The following RGS7 variants were observed in gnomAD, a reference collection of about 807,000 sequenced individuals.
RGS7 encodes the protein regulator of G-protein signaling 7.
A neutral mutation model predicts 81.1 loss-of-function variants in RGS7; 27 were observed. That is an observed-to-expected ratio of 0.33 (90% CI 0.25 to 0.46). The LOEUF (loss-of-function observed/expected upper bound fraction) is 0.46, where lower values mean the gene tolerates loss of function less well. Among genes scored for constraint, RGS7 ranks in the 20% least tolerant of loss-of-function variants. The pLI is 1.00. For missense variants in RGS7, 396 were observed against 607.4 expected (o/e 0.65, Z 3.66); for synonymous variants, 208 against 207.7 (o/e 1.00, Z -0.01).
intron 6 of RGS7, among the ~76,000 whole-genome samples, chr1:240,917,415 ACAATG>A (rs1194346407): frequency 1.3e-5 from 2 of 152,194 alleles, no homozygotes; most frequent in Non-Finnish European, 2.9e-5. Context: ...GATACCAGCA[ACAATG>A]CAATTGGTGG....
chr1:241,175,706 C>G (rs2071083010), intron 2 of RGS7, among the ~76,000 whole-genome samples: 1 of 152,060 alleles, frequency 6.6e-6, no homozygotes, highest in African/African-American at 2.4e-5. Flanking sequence ...GGGGCTTCAG[C>G]TGTCACTCAG....
chr1:241,092,372 C>G (rs764056966), intron 3 of RGS7, among the ~76,000 whole-genome samples: 9 of 152,076 alleles, frequency 5.9e-5, no homozygotes, highest in Non-Finnish European at 1.2e-4. Flanking sequence ...GTTTTAAGTA[C>G]AAAGGATTTT....
intron 3 of RGS7, among the ~76,000 whole-genome samples, chr1:241,071,667 G>T (rs1339263416): frequency 1.3e-5 from 2 of 150,994 alleles, no homozygotes; most frequent in African/African-American, 2.4e-5. Context: ...TAAGCCTTAG[G>T]TGTTCAGTTA....
intron 2 of RGS7, among the ~76,000 whole-genome samples, chr1:241,327,024 A>AGGGAGGGAGTGAGGGAGGGAGGG (rs1553320517): frequency 2.1e-3 from 1 of 478 alleles, no homozygotes; most frequent in South Asian, 0.083. Context: ...GGAAGGAAGG[A>AGGGAGGGAGTGAGGGAGGGAGGG]AGGAAGGAAG....
intron 9 of RGS7, among the ~76,000 whole-genome samples, chr1:240,865,709 T>A (rs1478173851): frequency 6.6e-6 from 1 of 152,246 alleles, no homozygotes; most frequent in African/African-American, 2.4e-5. Flanking sequence ...AATTCATTTC[T>A]AGGGACAAAT....
intron 6 of RGS7, among the ~76,000 whole-genome samples, chr1:240,899,569 T>A (rs759218576): frequency 2.0e-5 from 3 of 152,214 alleles, no homozygotes; most frequent in Non-Finnish European, 4.4e-5. Context: ...CATATGAAAT[T>A]CTGGGTTGAA....
chr1:241,056,531 A>T lies in RGS7; in HGVS notation c.175+42135T>A, dbSNP rs151274669. On this transcript the variant is annotated intron_variant, in intron 3 of 18. Coordinates refer to ENST00000440928, the MANE Select transcript of RGS7 (RefSeq NM_001364886.1). ...CAAAGAATAATGTTTATCACACAAC[A>T]GGTGCTCAGTAAGTATTTGTTGAAT... Among the ~76,000 whole-genome samples, 989 of 152,340 alleles carry T rather than the reference A, an allele frequency of 6.5e-3. 6 individuals are homozygous for T. Among genetic ancestry groups the T allele is most frequent in the Middle Eastern group, 0.024 (7 of 294 alleles).
intron 17 of RGS7, among the ~76,000 whole-genome samples, chr1:240,801,095 AG>A (rs1344500487): frequency 6.6e-6 from 1 of 152,170 alleles, no homozygotes; most frequent in Non-Finnish European, 1.5e-5. Context: ...AGCCTCAGGA[AG>A]GGCTAAGGGA....
chr1:241,281,112 CTACTT>C (rs1455070039), intron 2 of RGS7, among the ~76,000 whole-genome samples: 1 of 152,104 alleles, frequency 6.6e-6, no homozygotes, highest in Non-Finnish European at 1.5e-5. Flanking sequence ...AGATACTAGT[CTACTT>C]TAACACTTAC....
rs747930112 is a variant in RGS7, at chr1:240,813,734, G to A, written c.846-6C>T. ...GTTCCGTGTAACTTAGTAGACTAAG[G>A]AGAAAAAACATTTCCAGTTTCTTTA... On this transcript the variant is annotated splice_polypyrimidine_tract_variant and splice_region_variant and intron_variant, in intron 12 of 18. Transcript: ENST00000440928. 1 of 1,574,598 alleles carries A rather than the reference G, an allele frequency of 6.4e-7. No homozygotes were observed. Among genetic ancestry groups the A allele is most frequent in the South Asian group, 1.1e-5 (1 of 90,216 alleles).
chr1:241,111,660 T>G (rs2065523416), intron 2 of RGS7, among the ~76,000 whole-genome samples: 1 of 152,078 alleles, frequency 6.6e-6, no homozygotes, highest in Non-Finnish European at 1.5e-5. Context: ...CAATCCAGTC[T>G]ATTGATGGCC....
intron 6 of RGS7, among the ~76,000 whole-genome samples, chr1:240,892,361 C>T (rs1452739718): frequency 6.6e-6 from 1 of 152,028 alleles, no homozygotes; most frequent in Non-Finnish European, 1.5e-5. Flanking sequence ...AGAACAAGGG[C>T]TATTTTTTTG....
intron 2 of RGS7, among the ~76,000 whole-genome samples, chr1:241,113,553 A>T (rs2065678814): frequency 1.3e-5 from 2 of 152,254 alleles, no homozygotes; most frequent in African/African-American, 4.8e-5. Flanking sequence ...CTATATTTTT[A>T]AAACTGCACC....
chr1:241,273,176 C>CCA, intron 2 of RGS7, among the ~76,000 whole-genome samples: 1 of 12,104 alleles, frequency 8.3e-5, no homozygotes, highest in Non-Finnish European at 1.8e-4. Context: ...TAATAATGAA[C>CCA]CCCCCCCCCC....
chr1:241,184,831 C>T (rs1264041109), intron 2 of RGS7, among the ~76,000 whole-genome samples: 1 of 152,048 alleles, frequency 6.6e-6, no homozygotes, highest in Non-Finnish European at 1.5e-5. Context: ...GCAACCTGTA[C>T]AATAGAATTT....
chr1:240,897,045 A>G (rs970963964), intron 6 of RGS7, among the ~76,000 whole-genome samples: 1 of 152,168 alleles, frequency 6.6e-6, no homozygotes, highest in African/African-American at 2.4e-5. Flanking sequence ...TCTTTGAAGC[A>G]ATTGTGAATG....
chr1:241,259,665 A>ATATAT (rs1441232473), intron 2 of RGS7, among the ~76,000 whole-genome samples: 1 of 56,740 alleles, frequency 1.8e-5, no homozygotes, highest in East Asian at 4.3e-4. Context: ...AAAAAAAAAA[A>ATATAT]AAATATATAT....
chr1:241,188,426 A>C (rs2072319400), intron 2 of RGS7, among the ~76,000 whole-genome samples: 1 of 152,186 alleles, frequency 6.6e-6, no homozygotes, highest in Non-Finnish European at 1.5e-5. Flanking sequence ...AAAAGTATTC[A>C]ATAAACAGGA....
At chr1:241,127,469 A>G (rs1326769075) in intron 2 of RGS7, among the ~76,000 whole-genome samples, 1 of 152,110 alleles carries the variant, frequency 6.6e-6, no homozygotes, top group African/African-American at 2.4e-5. Flanking sequence ...GCATGTTCTC[A>G]CTCATAGGTG....
Sources: allele counts gnomAD v4.1 joint callset (sites outside exome capture counted in the v4.1 genomes callset), GRCh38; gene constraint gnomAD v4.1.1; transcripts MANE v1.5; gene names NCBI Gene and HGNC (gene_info 2026-07-23, HGNC 2026-07-21).